The following DENND1B variants were observed in gnomAD, a reference collection of about 807,000 sequenced individuals.
DENND1B encodes DENN domain containing 1B.
Under a neutral mutation model 90.1 loss-of-function variants are expected in DENND1B, and 59 were observed. The ratio of observed to expected loss-of-function variants is 0.65; its 90% CI spans 0.53 to 0.81. The LOEUF is 0.81. Among genes scored for constraint, DENND1B ranks in the 40% least tolerant of loss-of-function variants. DENND1B has a pLI of 0.00. For missense variants in DENND1B, 862 were observed against 912.6 expected (o/e 0.94, Z 0.71); for synonymous variants, 337 against 324.6 (o/e 1.04, Z -0.41).
At chr1:197,756,731 TA>T (rs1264462413) in intron 2 of DENND1B, among the ~76,000 whole-genome samples, 3 of 151,738 alleles carry the variant, frequency 2.0e-5, no homozygotes, top group South Asian at 2.1e-4. Context: ...CCTTTTTATT[TA>T]AAAAAATTCA....
At chr1:197,578,083 T>A (rs1341922592) in intron 15 of DENND1B, among the ~76,000 whole-genome samples, 1 of 152,278 alleles carries the variant, frequency 6.6e-6, no homozygotes, top group South Asian at 2.1e-4. Flanking sequence ...AGAAGGAGTG[T>A]CCAGGGGAGG....
rs778455310 is a variant in DENND1B at position 197,775,159 on chromosome 1, T to C, written c.-4A>G. 3.6e-5 allele frequency: 47 copies of C among 1,302,256 alleles called. No individual in the cohort carries two copies. In the South Asian group the frequency reaches 1.1e-3, roughly 29 times the overall value. The allele number at this position is 1,302,256 out of a possible 1,614,324, so 80.7% of individuals were successfully genotyped here. ...CTCACTTGGTCCTGCAGTCCATGGTTACATGTCGGTGTGGGGCTGTCCGTC... is the reference window on the plus strand; with the variant it reads ...CTCACTTGGTCCTGCAGTCCATGGTCACATGTCGGTGTGGGGCTGTCCGTC... On this transcript the variant is annotated 5_prime_UTR_variant, in exon 1 of 23. An upstream open reading frame in the 5' UTR loses its in-frame stop. Transcript: ENST00000620048.
chr1:197,552,269 TTTTG>T (rs1671301316), intron 16 of DENND1B: 1 of 983,196 alleles, frequency 1.0e-6, no homozygotes, highest in South Asian at 4.7e-5. Flanking sequence ...ATACAAGGAT[TTTTG>T]TTTATTTAGT....
At chr1:197,676,913 T>G (rs946342306) in intron 3 of DENND1B, among the ~76,000 whole-genome samples, 1 of 151,888 alleles carries the variant, frequency 6.6e-6, no homozygotes, top group African/African-American at 2.4e-5. Flanking sequence ...AGTGTTAGAG[T>G]GGTATATTAA....
At chr1:197,668,968 G>T (rs1655215327) in intron 5 of DENND1B, among the ~76,000 whole-genome samples, 1 of 151,702 alleles carries the variant, frequency 6.6e-6, no homozygotes, top group Non-Finnish European at 1.5e-5. Flanking sequence ...TTTACCCTCA[G>T]CAATGCTGAG....
intron 15 of DENND1B, among the ~76,000 whole-genome samples, chr1:197,567,896 T>C (rs1672815938): frequency 6.6e-6 from 1 of 152,062 alleles, no homozygotes; most frequent in Non-Finnish European, 1.5e-5. Flanking sequence ...AGACAAGAGT[T>C]CTCATTCTCA....
At chr1:197,746,360 A>G (rs1454305985) in intron 2 of DENND1B, among the ~76,000 whole-genome samples, 1 of 152,164 alleles carries the variant, frequency 6.6e-6, no homozygotes, top group Admixed American at 6.5e-5. Flanking sequence ...ATGCTACCGC[A>G]CTCTAGCCTG....
chr1:197,684,448 T>C (rs1657024461), intron 3 of DENND1B, among the ~76,000 whole-genome samples: 1 of 152,218 alleles, frequency 6.6e-6, no homozygotes, highest in Admixed American at 6.5e-5. Flanking sequence ...ATGTGATGCC[T>C]CCTTGATCCT....
intron 2 of DENND1B, among the ~76,000 whole-genome samples, chr1:197,725,760 G>A (rs1043079196): frequency 6.6e-6 from 1 of 151,954 alleles, no homozygotes; most frequent in Non-Finnish European, 1.5e-5. Context: ...CCTTGAGAGT[G>A]ATAAAAAGGA....
intron 6 of DENND1B, among the ~76,000 whole-genome samples, chr1:197,657,887 C>G (rs1654009830): frequency 6.6e-6 from 1 of 152,086 alleles, no homozygotes; most frequent in African/African-American, 2.4e-5. Context: ...AATGAACAAA[C>G]TGGGGTGTAT....
At chr1:197,758,495 T>C (rs1654595035) in intron 2 of DENND1B, among the ~76,000 whole-genome samples, 1 of 152,244 alleles carries the variant, frequency 6.6e-6, no homozygotes, top group African/African-American at 2.4e-5. Context: ...TTTCATGCTA[T>C]TATGTATTTG....
chr1:197,700,631 A>C (rs1041783468), intron 3 of DENND1B, among the ~76,000 whole-genome samples: 21 of 152,238 alleles, frequency 1.4e-4, no homozygotes, highest in African/African-American at 5.1e-4. Flanking sequence ...ACAGAAAAAG[A>C]AACTATCATC....
intron 3 of DENND1B, among the ~76,000 whole-genome samples, chr1:197,700,922 A>G (rs1658960410): frequency 6.6e-6 from 1 of 152,220 alleles, no homozygotes; most frequent in Admixed American, 6.5e-5. Context: ...ATTATTAAAA[A>G]GTCAGGAAAC....
intron 3 of DENND1B, among the ~76,000 whole-genome samples, chr1:197,679,037 A>C (rs1271840610): frequency 2.0e-5 from 3 of 152,120 alleles, no homozygotes; most frequent in African/African-American, 7.2e-5. Flanking sequence ...CTAAAACTAC[A>C]TAGGTTATTA....
intron 3 of DENND1B, among the ~76,000 whole-genome samples, chr1:197,695,962 G>A (rs1477389817): frequency 6.6e-6 from 1 of 151,202 alleles, no homozygotes; most frequent in Non-Finnish European, 1.5e-5. Flanking sequence ...TTTAAATTAT[G>A]AATGTATAAA....
chr1:197,736,448 C>G (rs1234483145), intron 2 of DENND1B, among the ~76,000 whole-genome samples: 4 of 152,104 alleles, frequency 2.6e-5, no homozygotes, highest in African/African-American at 7.2e-5. Context: ...GAGGCTGCCT[C>G]AGCCTCCCAA....
At chr1:197,731,930 G>A (rs1322227237) in intron 2 of DENND1B, among the ~76,000 whole-genome samples, 1 of 152,084 alleles carries the variant, frequency 6.6e-6, no homozygotes, top group Non-Finnish European at 1.5e-5. Flanking sequence ...GATGAGTGGA[G>A]ATTACATATA....
At chr1:197,530,734 C>T (rs957901477) in intron 20 of DENND1B, among the ~76,000 whole-genome samples, 9 of 151,970 alleles carry the variant, frequency 5.9e-5, no homozygotes, top group Non-Finnish European at 1.0e-4. Flanking sequence ...AAACAGCTAC[C>T]GATTATCAAG....
chr1:197,546,428 C>G (rs1324962823), intron 17 of DENND1B, among the ~76,000 whole-genome samples: 1 of 152,140 alleles, frequency 6.6e-6, no homozygotes, highest in Non-Finnish European at 1.5e-5. Context: ...AAATTGCCAT[C>G]AAATCCTTCT....
Sources: allele counts gnomAD v4.1 joint callset (sites outside exome capture counted in the v4.1 genomes callset), GRCh38; gene constraint gnomAD v4.1.1; transcripts MANE v1.5; gene names NCBI Gene and HGNC (gene_info 2026-07-23, HGNC 2026-07-21).